Variants in COLEC10 observed in about 807,000 individuals in gnomAD.
COLEC10 encodes the protein collectin subfamily member 10.
In COLEC10, 22 loss-of-function variants were observed where a neutral mutation model predicts 28.4. The observed-to-expected ratio is 0.78, with a 90% CI of 0.55 to 1.11. The LOEUF (loss-of-function observed/expected upper bound fraction) is 1.11. COLEC10 is among the 50% of genes least tolerant of loss of function. COLEC10 has a pLI of 0.00. For synonymous variants in COLEC10, 125 were observed against 116.1 expected (o/e 1.08, Z -0.49); for missense variants, 361 against 344.1 (o/e 1.05, Z -0.39).
chr8:119,100,378 T>C (rs929971533), intron 3 of COLEC10, among the ~76,000 whole-genome samples: 3 of 152,208 alleles, frequency 2.0e-5, no homozygotes, highest in African/African-American at 7.2e-5. Flanking sequence ...GTATCCCGAA[T>C]AGTACTTGGT....
intron 2 of COLEC10, among the ~76,000 whole-genome samples, chr8:119,045,549 A>G (rs1006736016): frequency 1.3e-5 from 2 of 152,216 alleles, no homozygotes; most frequent in African/African-American, 4.8e-5. Context: ...CCAAAGGTCA[A>G]TTACTTTTTG....
the COLEC10 span, among the ~76,000 whole-genome samples, chr8:118,952,351 A>G: frequency 1.2e-4 from 18 of 151,884 alleles, no homozygotes; most frequent in African/African-American, 4.3e-4. Flanking sequence ...TGTGTCCCAG[A>G]CCTTTGTCCT....
chr8:118,963,564 T>G, the COLEC10 span, among the ~76,000 whole-genome samples: 1 of 152,214 alleles, frequency 6.6e-6, no homozygotes, highest in Non-Finnish European at 1.5e-5. Flanking sequence ...AGATGCCCAT[T>G]TATTCATATT....
At chr8:118,970,980 C>G in the COLEC10 span, among the ~76,000 whole-genome samples, 1 of 151,912 alleles carries the variant, frequency 6.6e-6, no homozygotes, top group Non-Finnish European at 1.5e-5. Context: ...AAGATCAAGC[C>G]AGGTTAGGAC....
intron 2 of COLEC10, among the ~76,000 whole-genome samples, chr8:119,024,579 T>TAC (rs5894472): frequency 0.011 from 1,705 of 150,736 alleles, 34 homozygotes; most frequent in African/African-American, 0.038. Flanking sequence ...TATGCACACA[T>TAC]ACACACACAC....
At chr8:118,987,125 C>A in the COLEC10 span, among the ~76,000 whole-genome samples, 4 of 152,036 alleles carry the variant, frequency 2.6e-5, no homozygotes, top group Non-Finnish European at 5.9e-5. Flanking sequence ...GGAATGCTTG[C>A]GGAACTGTTC....
intron 1 of COLEC10, 82 bp downstream of exon 1, chr8:119,067,511 G>C: frequency 7.8e-7 from 1 of 1,288,948 alleles, no homozygotes; most frequent in Non-Finnish European, 1.1e-6. Context: ...AGATTTCAAT[G>C]ACTTTCTCTT....
At chr8:119,092,060 G>C (rs1015042575) in intron 3 of COLEC10, among the ~76,000 whole-genome samples, 4 of 145,656 alleles carry the variant, frequency 2.7e-5, no homozygotes, top group African/African-American at 1.0e-4. Context: ...TTTCAGTCTT[G>C]TCCTAATTTT....
intron 1 of COLEC10, among the ~76,000 whole-genome samples, chr8:119,076,067 ATTTTTTTT>A (rs11330366): frequency 1.0e-4 from 9 of 90,084 alleles, no homozygotes; most frequent in South Asian, 7.7e-4. Context: ...CGCCCGGCTA[ATTTTTTTT>A]TTTTTTTTTT....
At chr8:118,997,540 C>T (rs763405867) in intron 1 of COLEC10, among the ~76,000 whole-genome samples, 2 of 152,110 alleles carry the variant, frequency 1.3e-5, no homozygotes, top group Non-Finnish European at 2.9e-5. Flanking sequence ...TTACACTTTA[C>T]TGTCCTCATT....
chr8:119,102,230 CCCTCCCTCCCTCCTT>C, intron 3 of COLEC10, 103 bp from the exon 4 acceptor site: 1 of 298,594 alleles, frequency 3.3e-6, no homozygotes, highest in Non-Finnish European at 6.4e-6. Context: ...CTCCCTCCCT[CCCTCCCTCCCTCCTT>C]CCTTCTTTTC....
In COLEC10 at chr8:119,013,663, T is replaced by C. The variant is rs769801742; in HGVS notation, n.235+4110T>C. Among the ~76,000 whole-genome samples the C allele has an allele frequency of 1.1e-4, 17 of 150,990 alleles. 1 individual carries two copies. Among genetic ancestry groups the C allele is most frequent in the Middle Eastern group, 3.4e-3 (1 of 292 alleles). On this transcript the variant is annotated intron_variant and non_coding_transcript_variant, in intron 2 of 6. Transcript: ENST00000521788. ...TATTTTGTGGCAGTGTTGTTAGGCA[T>C]ATACATATTAAGTATTGTTATGTCT... is the stretch of plus-strand genomic sequence containing the variant.
chr8:119,014,775 C>T (rs1254526689), intron 2 of COLEC10, among the ~76,000 whole-genome samples: 3 of 151,020 alleles, frequency 2.0e-5, no homozygotes, highest in Admixed American at 6.6e-5. Flanking sequence ...CTTTTATTCT[C>T]TTTGCTTTTC....
rs1411220625 is a variant in COLEC10, at chr8:119,069,625, AAAAAATATATATATATATATAT to A, written c.148+2198_148+2219del. Reference sequence around the variant, plus strand: ...CATCTCAAAAAAAAAAAAAAAAAAAAAAAAATATATATATATATATATATATATATATATATGTAAACTGCCA... The same window carrying A: ...CATCTCAAAAAAAAAAAAAAAAAAAAATATATATATATATGTAAACTGCCA... On this transcript the variant is annotated intron_variant, in intron 1 of 5. Transcript: ENST00000332843. Among the ~76,000 whole-genome samples, 12 of 50,318 alleles carry A rather than the reference AAAAAATATATATATATATATAT, an allele frequency of 2.4e-4. 1 individual carries two copies. The highest frequency in any genetic ancestry group is 1.1e-3 in the African/African-American group (11 of 10,390). The allele number at this position is 50,318 out of a possible 152,430, so 33.0% of individuals were successfully genotyped here. A position where few individuals can be genotyped will look rare whatever the true frequency, so the allele number is the denominator to read the frequency against.
rs762180766 is a variant in COLEC10 at position 119,077,243 on chromosome 8, A to ATTTTTTTT, written c.148+9831_148+9838dup. Among the ~76,000 whole-genome samples, 137 of 90,270 alleles carry ATTTTTTTT rather than the reference A, an allele frequency of 1.5e-3. 8 individuals are homozygous for ATTTTTTTT. The highest frequency in any genetic ancestry group is 2.2e-3 in the Non-Finnish European group (104 of 46,652). 59.2% of individuals were successfully genotyped at this position (90,270 alleles called of 152,430 possible). On this transcript the variant is annotated intron_variant, in intron 1 of 5. Transcript: ENST00000332843. ...TTTTGATTAGCCTGGGTAGAGAATG[A>ATTTTTTTT]TTTTTTTTTTTTTTTTTTTTTTTTG...
At chr8:118,987,738 T>C in the COLEC10 span, among the ~76,000 whole-genome samples, 2 of 152,206 alleles carry the variant, frequency 1.3e-5, no homozygotes. Context: ...TAGACATTCC[T>C]GGACTTAGGA....
chr8:118,961,753 CTAT>C, the COLEC10 span, among the ~76,000 whole-genome samples: 1 of 152,102 alleles, frequency 6.6e-6, no homozygotes, highest in Non-Finnish European at 1.5e-5. Flanking sequence ...TCTTGGGCAG[CTAT>C]TATTTCTTTC....
chr8:119,015,646 G>A (rs1448472012), intron 2 of COLEC10, among the ~76,000 whole-genome samples: 1 of 152,116 alleles, frequency 6.6e-6, no homozygotes, highest in Non-Finnish European at 1.5e-5. Flanking sequence ...CAATATGTTG[G>A]AATTTAGCAT....
At chr8:118,998,409 T>G (rs1236405441) in intron 1 of COLEC10, among the ~76,000 whole-genome samples, 1 of 152,162 alleles carries the variant, frequency 6.6e-6, no homozygotes, top group Non-Finnish European at 1.5e-5. Context: ...ACATGTATGG[T>G]AGAGCCATGA....
Sources: allele counts gnomAD v4.1 joint callset (sites outside exome capture counted in the v4.1 genomes callset), GRCh38; gene constraint gnomAD v4.1.1; transcripts MANE v1.5; gene names NCBI Gene and HGNC (gene_info 2026-07-23, HGNC 2026-07-21).